CDKL3: variants seen among roughly 807,000 people sequenced by gnomAD.
CDKL3 encodes the protein cyclin-dependent kinase-like 3.
In CDKL3, 65 loss-of-function variants were observed where a neutral mutation model predicts 69.3. The ratio of observed to expected loss-of-function variants is 0.94; its 90% confidence interval spans 0.77 to 1.15. The LOEUF (loss-of-function observed/expected upper bound fraction) is 1.15, where lower values mean the gene tolerates loss of function less well. Ranked by LOEUF, CDKL3 falls within the 50% of genes most tolerant of loss-of-function variation. The pLI is 0.00. For missense variants in CDKL3, 652 were observed against 689.2 expected (o/e 0.95, Z 0.61); for synonymous variants, 202 against 221.6 (o/e 0.91, Z 0.79).
chr5:134,298,779 C>A, intron 12 of CDKL3, 69 bp from the exon 13 acceptor site: 1 of 1,559,676 alleles, frequency 6.4e-7, no homozygotes, highest in Non-Finnish European at 8.7e-7. Flanking sequence ...AAAACTCTGA[C>A]TTTATTAATG....
chr5:134,345,608 A>AG (rs1281505577), intron 4 of CDKL3, among the ~76,000 whole-genome samples: 1 of 152,216 alleles, frequency 6.6e-6, no homozygotes, highest in East Asian at 1.9e-4. Context: ...TGATTTGGGT[A>AG]GGTAGTGGAA....
At chr5:134,333,051 T>C (rs1195410187) in intron 4 of CDKL3, among the ~76,000 whole-genome samples, 3 of 152,228 alleles carry the variant, frequency 2.0e-5, no homozygotes, top group Admixed American at 6.5e-5. Context: ...ATTCTGTTTG[T>C]AGTAATTGTG....
At chr5:134,361,732 C>T (rs756820871) in intron 2 of CDKL3, among the ~76,000 whole-genome samples, 3 of 151,972 alleles carry the variant, frequency 2.0e-5, no homozygotes, top group South Asian at 2.1e-4. Flanking sequence ...GGTGAAACAC[C>T]GTCTCTACTA....
intron 8 of CDKL3, among the ~76,000 whole-genome samples, chr5:134,291,689 G>A (rs1765131139): frequency 6.6e-6 from 1 of 151,816 alleles, no homozygotes; most frequent in East Asian, 1.9e-4. Context: ...CAGGAGAATC[G>A]CTTGAACCTG....
intron 4 of CDKL3, among the ~76,000 whole-genome samples, chr5:134,334,542 C>CT (rs1443383969): frequency 6.6e-6 from 1 of 152,138 alleles, no homozygotes; most frequent in Non-Finnish European, 1.5e-5. Context: ...CAAAGAACAT[C>CT]TTTATGTCTG....
rs868221081 is a variant in CDKL3, at chr5:134,299,735, G to A, written c.1720-1025C>T. ...GGCAAGTTCTTCTTCCTTTCAGTTT[G>A]TGCATTTCCTGTATTCTAAAAAGTA... On this transcript the variant is annotated intron_variant, in intron 12 of 12. Coordinates refer to ENST00000265334, the MANE Select transcript of CDKL3 (RefSeq NM_001113575.2). The A allele has an allele frequency of 7.2e-6, 11 of 1,533,162 alleles. No homozygotes were observed. In the African/African-American group the frequency reaches 1.5e-4, roughly 21 times the overall value. The allele number at this position is 1,533,162 out of a possible 1,614,324, so 95.0% of individuals were successfully genotyped here.
chr5:134,310,938 A>C (rs1769296718), intron 7 of CDKL3, among the ~76,000 whole-genome samples: 1 of 152,196 alleles, frequency 6.6e-6, no homozygotes, highest in Admixed American at 6.5e-5. Context: ...ATCTGACCTT[A>C]GCTCCATCAC....
chr5:134,311,487 C>T (rs1194232463), intron 7 of CDKL3, among the ~76,000 whole-genome samples: 2 of 150,274 alleles, frequency 1.3e-5, no homozygotes, highest in Admixed American at 1.3e-4. Context: ...GCCTGGGCAA[C>T]AAAGCGAGAC....
chr5:134,335,397 G>T (rs1776848338), intron 4 of CDKL3, among the ~76,000 whole-genome samples: 1 of 152,082 alleles, frequency 6.6e-6, no homozygotes, highest in Non-Finnish European at 1.5e-5. Context: ...ACTGTTAATT[G>T]ATGCAGTTTC....
downstream of CDKL3, among the ~76,000 whole-genome samples, chr5:134,283,742 A>G (rs1461428459): frequency 6.6e-6 from 1 of 151,904 alleles, no homozygotes; most frequent in Non-Finnish European, 1.5e-5. Context: ...TTCAGCATTA[A>G]CTCAAAAGTC....
chr5:134,331,737 A>C (rs1775860519), intron 4 of CDKL3, among the ~76,000 whole-genome samples: 1 of 152,294 alleles, frequency 6.6e-6, no homozygotes, highest in South Asian at 2.1e-4. Context: ...AGTCTTTGCT[A>C]TTGTGAATAG....
intron 4 of CDKL3, among the ~76,000 whole-genome samples, chr5:134,326,221 G>C (rs144689528): frequency 4.6e-5 from 7 of 152,146 alleles, no homozygotes; most frequent in Admixed American, 2.6e-4. Flanking sequence ...ATTTAGTAAG[G>C]TAATCCATTA....
intron 4 of CDKL3, among the ~76,000 whole-genome samples, chr5:134,349,449 C>G (rs1002650017): frequency 6.6e-6 from 1 of 152,158 alleles, no homozygotes; most frequent in African/African-American, 2.4e-5. Flanking sequence ...GCCACCACGC[C>G]TGGCTAAATT....
chr5:134,361,104 G>C (rs1755893940), intron 2 of CDKL3, among the ~76,000 whole-genome samples: 1 of 152,134 alleles, frequency 6.6e-6, no homozygotes, highest in Non-Finnish European at 1.5e-5. Context: ...CCATGTATCA[G>C]CTTAGGAAAC....
Position 134,319,472 on chromosome 5 carries a change from A to G in CDKL3, c.678T>C (p.Asn226=), listed in dbSNP as rs751599923. Residue 226 remains asparagine (N), a synonymous_variant, in exon 6 of 13, where the codon AAT becomes AAC. Transcript: ENST00000265334. ...KVGNLSPHLQ[N]IFSKSPIFAG... is the part of the protein sequence containing the mutation. ...CAAAAATGGGGCTCTTGGAAAAGAT[A>G]TTCTGCAAGTGAGGTGACAAATTGC... 3 of 1,532,528 alleles carry G rather than the reference A, an allele frequency of 2.0e-6. No homozygotes were observed. In the South Asian group the frequency reaches 3.8e-5, roughly 19 times the overall value. The allele number at this position is 1,532,528 out of a possible 1,614,324, so 94.9% of individuals were successfully genotyped here. A position where few individuals can be genotyped will look rare whatever the true frequency, so the allele number is the denominator to read the frequency against.
At chr5:134,371,286 G>A, upstream of CDKL3, 1 of 501,552 alleles carries the variant, frequency 2.0e-6, no homozygotes, top group East Asian at 3.8e-5. Context: ...TCTGAACACA[G>A]AGAACACAAA....
chr5:134,366,883 C>T (rs1436144689), intron 1 of CDKL3, 94 bp downstream of exon 1: 1 of 1,002,624 alleles, frequency 1.0e-6, no homozygotes, highest in African/African-American at 1.7e-5. Flanking sequence ...AATAGGTTCC[C>T]GCACTACTGC....
At chr5:134,315,517 G>C (rs2149468099) in intron 6 of CDKL3, among the ~76,000 whole-genome samples, 1 of 152,156 alleles carries the variant, frequency 6.6e-6, no homozygotes, top group African/African-American at 2.4e-5. Context: ...CTTTTGTTTA[G>C]AGACAGGGTC....
chr5:134,299,708 C>T, intron 12 of CDKL3: 1 of 1,534,824 alleles, frequency 6.5e-7, no homozygotes, highest in Non-Finnish European at 8.7e-7. Context: ...TACTCTACAT[C>T]TGGCAAGTTC....
Sources: allele counts gnomAD v4.1 joint callset (sites outside exome capture counted in the v4.1 genomes callset), GRCh38; gene constraint gnomAD v4.1.1; transcripts MANE v1.5; gene names NCBI Gene and HGNC (gene_info 2026-07-23, HGNC 2026-07-21).